Variants in HSD11B2 observed in about 807,000 individuals in gnomAD.
HSD11B2 encodes hydroxysteroid 11-beta dehydrogenase 2.
In HSD11B2, 17 loss-of-function variants were observed where a neutral mutation model predicts 20.9. That is an observed-to-expected ratio of 0.81 (90% CI 0.56 to 1.22). The LOEUF (loss-of-function observed/expected upper bound fraction) is 1.22. Among genes scored for constraint, HSD11B2 ranks in the 50% most tolerant of loss-of-function variants. The pLI is 0.00. For missense variants in HSD11B2, 480 were observed against 563.6 expected (o/e 0.85, Z 1.50); for synonymous variants, 253 against 255.4 (o/e 0.99, Z 0.09).
In HSD11B2 at chr16:67,436,149, GC is replaced by G. The variant is rs72650121; in HGVS notation, c.664+16del. Reference sequence around the variant, plus strand: ...ACTGTGGGGAGCCCAGCGGGTGAGTGCCCCCCCCCACTGGAGCAAAAAGGAG... The same window carrying G: ...ACTGTGGGGAGCCCAGCGGGTGAGTGCCCCCCCCACTGGAGCAAAAAGGAG... On this transcript the variant is annotated splice_region_variant and intron_variant, in intron 3 of 4. Coordinates refer to ENST00000326152, the MANE Select transcript of HSD11B2 (RefSeq NM_000196.4). This position sits in a 1 kb window ranked among gnomAD's most constrained non-coding sequence, Gnocchi z 5.7. 1.7e-3 allele frequency: 2,739 copies of G among 1,578,856 alleles called. 23 individuals are homozygous for G. The African/African-American group carries it at 0.023, about 13-fold the overall frequency.
At chr16:67,429,872 A>G (rs1475857668), upstream of HSD11B2, among the ~76,000 whole-genome samples, 3 of 152,098 alleles carry the variant, frequency 2.0e-5, no homozygotes, top group Admixed American at 6.5e-5. Flanking sequence ...TTGCCCTGAA[A>G]CCCTGGCAGA....
upstream of HSD11B2, among the ~76,000 whole-genome samples, chr16:67,430,014 C>A (rs56385416): frequency 7.5e-3 from 1,148 of 152,212 alleles, 16 homozygotes; most frequent in African/African-American, 0.026. The surrounding 1 kb of genome is among the most constrained non-coding windows in gnomAD (Gnocchi z 5.4). Context: ...AGCAGGGACC[C>A]CTCTGTCGAG....
chr16:67,431,552 C>T (rs1235089993), intron 1 of HSD11B2, 39 bp downstream of exon 1: 2 of 1,323,886 alleles, frequency 1.5e-6, no homozygotes, highest in Non-Finnish European at 1.9e-6. Context: ...ACTCCAGGCT[C>T]GAGGGCGGGA....
At chr16:67,433,807 T>G (rs2040951001) in intron 1 of HSD11B2, among the ~76,000 whole-genome samples, 2 of 150,938 alleles carry the variant, frequency 1.3e-5, no homozygotes, top group South Asian at 4.2e-4. Context: ...CCCTGCCCAG[T>G]GCTGTTTTCA....
chr16:67,434,418 A>G (rs561512010), intron 1 of HSD11B2, among the ~76,000 whole-genome samples: 19 of 152,310 alleles, frequency 1.2e-4, no homozygotes, highest in Admixed American at 7.2e-4. Flanking sequence ...CTTCATTCTG[A>G]GTACTGTGGC....
At position 67,435,817 on chromosome 16, in the gene HSD11B2, C is replaced by T. The variant is rs569280594; in HGVS notation, c.455C>T (p.Thr152Ile). ...PGDISRVLEF[T>I]KAHTTSTGLW... ...GACATTAGCCGCGTGCTAGAGTTCA[C>T]CAAGGCCCACACCACCAGCACCGGT... Residue 152 changes from threonine to isoleucine, a missense_variant, in exon 2 of 5, where the codon ACC (threonine) becomes ATC (isoleucine). This residue lies in a region of HSD11B2 where 374 missense variants were observed against 480.9 expected (regional missense o/e 0.78). Transcript: ENST00000326152. 10 of 1,614,082 alleles carry T rather than the reference C, an allele frequency of 6.2e-6. 1 individual carries two copies. Among genetic ancestry groups the T allele is most frequent in the South Asian group, 5.5e-5 (5 of 91,088 alleles).
chr16:67,435,873 G>A (rs1399402725), intron 2 of HSD11B2, 33 bp downstream of exon 2: 2 of 1,613,734 alleles, frequency 1.2e-6, no homozygotes, highest in South Asian at 1.1e-5. Flanking sequence ...GCAAGGGCGT[G>A]GCAGGGGAGT....
chr16:67,431,578 G>T, intron 1 of HSD11B2, 65 bp downstream of exon 1: 1 of 1,245,724 alleles, frequency 8.0e-7, no homozygotes. Flanking sequence ...CACTCAACAG[G>T]ACTGACTCCC....
chr16:67,431,026 A>C, upstream of HSD11B2: 1 of 217,164 alleles, frequency 4.6e-6, no homozygotes. Context: ...GTGCCGGGAG[A>C]GAAGTGAAGG....
At position 67,435,718 on chromosome 16, in the gene HSD11B2, C is replaced by G. The variant is rs2040964717; in HGVS notation, c.356C>G (p.Pro119Arg). Residue 119 changes from proline (P) to arginine (R), a missense_variant, in exon 2 of 5, where the codon CCC (proline) becomes CGC (arginine). Physicochemically the swap from Pro to Arg is moderately radical, Grantham distance 103. Coordinates refer to ENST00000326152, the MANE Select transcript of HSD11B2 (RefSeq NM_000196.4). The part of the protein sequence containing the change: ...VLATVLELNS[P>R]GAIELRTCCS... ...GCCACCGTATTGGAGTTGAACAGCC[C>G]CGGTGCCATCGAGCTGCGTACCTGC... The G allele has an allele frequency of 1.9e-6, 3 of 1,614,028 alleles. No homozygotes were observed. The South Asian group carries it at 3.3e-5, about 18-fold the overall frequency.
rs1451336905 is a variant in HSD11B2, at chr16:67,437,270, G to A, written c.*267G>A. 6 of 571,470 alleles carry A rather than the reference G, an allele frequency of 1.0e-5. No individual in the cohort carries two copies. The highest frequency in any genetic ancestry group is 2.2e-5 in the South Asian group (1 of 46,112). 35.4% of individuals were successfully genotyped at this position (571,470 alleles called of 1,614,324 possible). ...TCTACCCTGCAGCTTGGAGAACTCC[G>A]CTGGATGGGGAGTCTCATGCAAGAC... is the stretch of plus-strand genomic sequence containing the variant. On this transcript the variant is annotated 3_prime_UTR_variant, in exon 5 of 5. Coordinates refer to ENST00000326152, the MANE Select transcript of HSD11B2 (RefSeq NM_000196.4).
Position 67,431,512 on chromosome 16 carries a change from C to A in HSD11B2, c.264C>A (p.Thr88=). The part of the protein sequence containing the change: ...LPVATRAVLI[T]GCDSGFGKET... ...TGGCCACTCGCGCGGTGCTCATCAC[C>A]GGTGAGTGCGCGGGTCGCGGAGCGC... Residue 88 remains threonine (T), a splice_region_variant and synonymous_variant, in exon 1 of 5, where the codon ACC becomes ACA. Transcript: ENST00000326152. 1 of 1,393,976 alleles carries A rather than the reference C, an allele frequency of 7.2e-7. No individual in the cohort carries two copies. Among genetic ancestry groups the A allele is most frequent in the Non-Finnish European group, 9.3e-7 (1 of 1,072,182 alleles). 86.4% of individuals were successfully genotyped at this position (1,393,976 alleles called of 1,614,324 possible).
rs144623115 is a variant in HSD11B2 at position 67,436,099 on chromosome 16, G to A, written c.621G>A (p.Leu207=). The A allele has an allele frequency of 5.0e-6, 8 of 1,613,960 alleles. No homozygotes were observed. The African/African-American group carries it at 5.3e-5, about 11-fold the overall frequency. ...TGACCAAGGGCCTCCTGCCCCTGCTGCGCAGCTCAAGGGGCCGCATCGTGA... is the reference window on the plus strand; with the variant it reads ...TGACCAAGGGCCTCCTGCCCCTGCTACGCAGCTCAAGGGGCCGCATCGTGA... ...LELTKGLLPL[L]RSSRGRIVTV... The change falls in exon 3 of 5, where the codon CTG becomes CTA. Residue 207 remains leucine, a synonymous_variant. Transcript: ENST00000326152. This position sits in a 1 kb window ranked among gnomAD's most constrained non-coding sequence, Gnocchi z 5.7.
upstream of HSD11B2, among the ~76,000 whole-genome samples, chr16:67,430,383 T>C (rs1433381434): frequency 6.6e-6 from 1 of 152,110 alleles, no homozygotes; most frequent in African/African-American, 2.4e-5. The surrounding 1 kb of genome is among the most constrained non-coding windows in gnomAD (Gnocchi z 5.4). Flanking sequence ...CACCCTCCAC[T>C]GACCCCCACA....
Position 67,431,392 on chromosome 16 carries a change from C to T in HSD11B2, c.144C>T (p.Cys48=). The change falls in exon 1 of 5, where the codon TGC becomes TGT. Residue 48 remains cysteine, a synonymous_variant. Coordinates refer to ENST00000326152, the MANE Select transcript of HSD11B2 (RefSeq NM_000196.4). ...LALLAALDWL[C]QRLLPPPAAL... Reference sequence around the variant, plus strand: ...TGCTGGCCGCGCTCGACTGGCTGTGCCAGCGCCTGCTGCCCCCGCCGGCCG... The same window carrying T: ...TGCTGGCCGCGCTCGACTGGCTGTGTCAGCGCCTGCTGCCCCCGCCGGCCG... The T allele has an allele frequency of 7.9e-7, 1 of 1,266,248 alleles. No individual in the cohort carries two copies. The highest frequency in any genetic ancestry group is 3.6e-5 in the East Asian group (1 of 27,484). The allele number at this position is 1,266,248 out of a possible 1,614,324, so 78.4% of individuals were successfully genotyped here.
chr16:67,435,576 C>G (rs766326803), intron 1 of HSD11B2, 52 bp from the exon 2 acceptor site: 74 of 1,470,506 alleles, frequency 5.0e-5, no homozygotes, highest in Non-Finnish European at 6.7e-5. Context: ...GGGGTTGTCT[C>G]AGGCTAGGCT....
chr16:67,435,405 CG>C (rs2040962279), intron 1 of HSD11B2: 2 of 641,148 alleles, frequency 3.1e-6, no homozygotes, highest in Non-Finnish European at 5.6e-6. Flanking sequence ...GGGGTAGCCA[CG>C]GGGAGTCAGG....
chr16:67,433,453 A>G (rs1597561248), intron 1 of HSD11B2, among the ~76,000 whole-genome samples: 1 of 152,038 alleles, frequency 6.6e-6, no homozygotes, highest in African/African-American at 2.4e-5. Context: ...GTGTGTGCCA[A>G]TGGGTGGTAG....
At chr16:67,432,358 G>A (rs2040940415) in intron 1 of HSD11B2, among the ~76,000 whole-genome samples, 1 of 152,100 alleles carries the variant, frequency 6.6e-6, no homozygotes, top group African/African-American at 2.4e-5. Context: ...CTGGTCTCTC[G>A]CCAATACCCA....
Sources: allele counts gnomAD v4.1 joint callset (sites outside exome capture counted in the v4.1 genomes callset), GRCh38; gene constraint gnomAD v4.1.1; regional missense constraint gnomAD v4.1.1; non-coding constraint Gnocchi (gnomAD v3.1); transcripts MANE v1.5; gene names NCBI Gene and HGNC (gene_info 2026-07-23, HGNC 2026-07-21).